The following DCLK1 variants were observed in gnomAD, a reference collection of about 807,000 sequenced individuals.
The protein encoded by DCLK1 is doublecortin like kinase 1.
A neutral mutation model predicts 86.2 loss-of-function variants in DCLK1; 16 were observed. The ratio of observed to expected loss-of-function variants is 0.19; its 90% CI spans 0.13 to 0.28. DCLK1 has a LOEUF of 0.28. Ranked by LOEUF, DCLK1 falls within the 10% of genes least tolerant of loss-of-function variation. DCLK1 has a pLI of 1.00. For synonymous variants in DCLK1, 369 were observed against 370.5 expected (o/e 1.00, Z 0.05); for missense variants, 590 against 940.2 (o/e 0.63, Z 4.87).
chr13:35,874,222 A>G (rs940384281), intron 4 of DCLK1, among the ~76,000 whole-genome samples: 29 of 152,030 alleles, frequency 1.9e-4, no homozygotes, highest in African/African-American at 6.8e-4. Context: ...TCTCTCTTAT[A>G]TATTCTGAAT....
Position 35,809,112 on chromosome 13 carries a change from T to C in DCLK1, c.1689-17A>G, listed in dbSNP as rs368216952. ...AGGCCGTATCTGGAAAAATAAGGGA[T>C]GTTAGAGTTAGGAGGGTCAGGCTCG... On this transcript the variant is annotated splice_polypyrimidine_tract_variant and intron_variant, in intron 12 of 16. Coordinates refer to ENST00000360631, the MANE Select transcript of DCLK1 (RefSeq NM_001330071.2). 7 of 1,606,964 alleles carry C rather than the reference T, an allele frequency of 4.4e-6. No homozygotes were observed. The highest frequency in any genetic ancestry group is 6.0e-6 in the Non-Finnish European group (7 of 1,174,998).
rs559777391 is a variant in DCLK1 at position 35,932,754 on chromosome 13, G to T, written c.823+14604C>A. On this transcript the variant is annotated intron_variant, in intron 4 of 16. Transcript: ENST00000360631. Reference sequence around the variant, plus strand: ...CCCTCCCACAACATGTAGGAATTATGGGAGTACAATTGAAGATGAGATTTG... The same window carrying T: ...CCCTCCCACAACATGTAGGAATTATTGGAGTACAATTGAAGATGAGATTTG... 3.3e-5 allele frequency among the ~76,000 whole-genome samples: 5 copies of T among 152,322 alleles called. No individual in the cohort carries two copies. The East Asian group carries it at 9.7e-4, about 29-fold the overall frequency.
chr13:35,839,019 G>A, intron 7 of DCLK1, 73 bp downstream of exon 7: 1 of 1,387,110 alleles, frequency 7.2e-7, no homozygotes, highest in Non-Finnish European at 1.0e-6. Flanking sequence ...CGCTTGAGAA[G>A]CCACAGTTTC....
intron 3 of DCLK1, among the ~76,000 whole-genome samples, chr13:35,950,634 A>T (rs1200766442): frequency 6.6e-6 from 1 of 152,224 alleles, no homozygotes; most frequent in Non-Finnish European, 1.5e-5. Context: ...CCTCTCTGCC[A>T]TGAATTCATT....
chr13:35,823,929 T>C (rs942200816), intron 10 of DCLK1, among the ~76,000 whole-genome samples: 2 of 152,154 alleles, frequency 1.3e-5, no homozygotes, highest in African/African-American at 2.4e-5. Flanking sequence ...GCTGCAACGG[T>C]TCTCAAGCTA....
intron 16 of DCLK1, among the ~76,000 whole-genome samples, chr13:35,786,784 C>G (rs2086630864): frequency 6.6e-6 from 1 of 152,120 alleles, no homozygotes; most frequent in South Asian, 2.1e-4. Flanking sequence ...AAATTAAGTT[C>G]TTTCTACATC....
At chr13:36,004,634 C>G (rs898160272) in intron 3 of DCLK1, among the ~76,000 whole-genome samples, 1 of 152,114 alleles carries the variant, frequency 6.6e-6, no homozygotes, top group Non-Finnish European at 1.5e-5. Flanking sequence ...CTCTGTTGCC[C>G]AGGCTGGAGT....
chr13:35,925,981 T>C (rs568230760), intron 4 of DCLK1, among the ~76,000 whole-genome samples: 36 of 152,228 alleles, frequency 2.4e-4, no homozygotes, highest in African/African-American at 8.7e-4. Flanking sequence ...CAAAACTAGG[T>C]GTCCAGAGCT....
chr13:36,122,207 G>A (rs935571236), intron 2 of DCLK1, among the ~76,000 whole-genome samples: 2 of 152,062 alleles, frequency 1.3e-5, no homozygotes, highest in African/African-American at 4.8e-5. Context: ...TGAAGCATGG[G>A]TTTAATCCTG....
intron 3 of DCLK1, among the ~76,000 whole-genome samples, chr13:36,043,961 C>G (rs1481084621): frequency 2.0e-5 from 3 of 152,170 alleles, no homozygotes; most frequent in Non-Finnish European, 4.4e-5. Flanking sequence ...GTCTGGATAT[C>G]TGTCCCCTCC....
chr13:35,973,879 C>G (rs1879189794), intron 3 of DCLK1, among the ~76,000 whole-genome samples: 1 of 152,034 alleles, frequency 6.6e-6, no homozygotes, highest in Admixed American at 6.5e-5. Flanking sequence ...GAGGATGAAC[C>G]TGGAGCAGGG....
At chr13:35,980,350 G>A (rs530142152) in intron 3 of DCLK1, among the ~76,000 whole-genome samples, 1 of 152,250 alleles carries the variant, frequency 6.6e-6, no homozygotes, top group East Asian at 1.9e-4. Context: ...AGCCACTCGG[G>A]AGGCTGAGGT....
intron 3 of DCLK1, among the ~76,000 whole-genome samples, chr13:36,110,773 A>G (rs192180557): frequency 1.3e-5 from 2 of 152,196 alleles, no homozygotes; most frequent in East Asian, 3.9e-4. Context: ...TGTGCTCAAA[A>G]GTATAATCTG....
At chr13:36,016,046 A>AT (rs1881526510) in intron 3 of DCLK1, among the ~76,000 whole-genome samples, 1 of 152,210 alleles carries the variant, frequency 6.6e-6, no homozygotes, top group Non-Finnish European at 1.5e-5. Context: ...AGGCTAGTGC[A>AT]TGGACAATTT....
At chr13:35,833,344 C>T (rs962468516) in intron 8 of DCLK1, among the ~76,000 whole-genome samples, 4 of 152,140 alleles carry the variant, frequency 2.6e-5, no homozygotes, top group South Asian at 2.1e-4. Flanking sequence ...TCTCACATCA[C>T]GCCCTCTACT....
At chr13:36,003,628 C>G (rs1386199907) in intron 3 of DCLK1, among the ~76,000 whole-genome samples, 2 of 152,006 alleles carry the variant, frequency 1.3e-5, no homozygotes, top group Non-Finnish European at 2.9e-5. Flanking sequence ...TAAGTTAGAG[C>G]TATACAAAAT....
chr13:35,819,371 G>A (rs1296815582), intron 11 of DCLK1, among the ~76,000 whole-genome samples: 1 of 151,978 alleles, frequency 6.6e-6, no homozygotes, highest in East Asian at 1.9e-4. Flanking sequence ...AGATCCTTAA[G>A]ACCAGGCTAC....
At chr13:36,056,657 CAA>C in intron 3 of DCLK1, among the ~76,000 whole-genome samples, 1 of 129,102 alleles carries the variant, frequency 7.7e-6, no homozygotes, top group African/African-American at 3.2e-5. Context: ...CCAGAGCACA[CAA>C]AAAAAAAAAT....
intron 4 of DCLK1, among the ~76,000 whole-genome samples, chr13:35,931,061 C>T (rs1374136045): frequency 6.6e-6 from 1 of 152,198 alleles, no homozygotes; most frequent in Non-Finnish European, 1.5e-5. Context: ...CAAAGCTAGG[C>T]ATTGAATCTG....
Sources: gnomAD v4.1 joint callset for allele counts (sites outside exome capture counted in the v4.1 genomes callset) on GRCh38, gnomAD v4.1.1 for gene constraint, MANE v1.5 for transcripts, NCBI Gene and HGNC (gene_info 2026-07-23, HGNC 2026-07-21) for gene names.